PRKN: variants seen among roughly 807,000 people sequenced by gnomAD.
PRKN encodes parkin RBR E3 ubiquitin protein ligase, also known as E3 ubiquitin-protein ligase parkin.
A neutral mutation model predicts 59.5 loss-of-function variants in PRKN; 56 were observed. That is an observed-to-expected ratio of 0.94 (90% CI 0.76 to 1.18). The LOEUF is 1.18. PRKN is among the 50% of genes most tolerant of loss of function. The pLI is 0.00. For synonymous variants in PRKN, 250 were observed against 222.1 expected (o/e 1.13, Z -1.12); for missense variants, 657 against 596.4 (o/e 1.10, Z -1.06).
chr6:161,702,999 T>C (rs943379626), intron 7 of PRKN, among the ~76,000 whole-genome samples: 1 of 101,026 alleles, frequency 9.9e-6, no homozygotes, highest in African/African-American at 3.8e-5. Context: ...TTTAAATATA[T>C]AAACAATGAA....
In PRKN at chr6:162,401,224, T is replaced by C. The variant is rs138774943; in HGVS notation, c.171+42086A>G. ...GAAAAAAAGAATATTAAGAAAAAAA[T>C]AGAAATTGCTGAATCAGAAAATGGG... On this transcript the variant is annotated intron_variant, in intron 2 of 11. Coordinates refer to ENST00000366898, the MANE Select transcript of PRKN (RefSeq NM_004562.3). Among the ~76,000 whole-genome samples, 204 of 149,020 alleles carry C rather than the reference T, an allele frequency of 1.4e-3. 1 individual carries two copies. Among genetic ancestry groups the C allele is most frequent in the African/African-American group, 4.7e-3 (192 of 40,460 alleles).
chr6:161,567,803 C>A (rs540183587), intron 8 of PRKN, among the ~76,000 whole-genome samples: 60 of 152,204 alleles, frequency 3.9e-4, no homozygotes, highest in African/African-American at 1.4e-3. Context: ...GGAAACACTG[C>A]AAATATTGGT....
At chr6:161,679,741 CTTTTTTTTTTTTTT>C (rs745812196) in intron 7 of PRKN, among the ~76,000 whole-genome samples, 7 of 23,494 alleles carry the variant, frequency 3.0e-4, no homozygotes, top group South Asian at 2.0e-3. Flanking sequence ...TCAGAGCCAG[CTTTTTTTTTTTTTT>C]TTTTTTTTTT....
At chr6:161,934,119 T>A (rs1478219148) in intron 6 of PRKN, among the ~76,000 whole-genome samples, 1 of 152,204 alleles carries the variant, frequency 6.6e-6, no homozygotes, top group Admixed American at 6.5e-5. Flanking sequence ...CGCCATGAAG[T>A]TCTCATGATA....
intron 3 of PRKN, among the ~76,000 whole-genome samples, chr6:162,258,852 C>T (rs184228977): frequency 1.3e-5 from 2 of 152,196 alleles, no homozygotes; most frequent in Non-Finnish European, 2.9e-5. Flanking sequence ...TTAGTACCAA[C>T]AGTGTAACTG....
rs1376023473 is a variant in PRKN at position 161,579,839 on chromosome 6, T to C, written c.872-10423A>G. 6.6e-6 allele frequency among the ~76,000 whole-genome samples: 1 copy of C among 152,210 alleles called. No homozygotes were observed. Among genetic ancestry groups the C allele is most frequent in the Admixed American group, 6.5e-5 (1 of 15,286 alleles). ...GTATTTTAAATTCATTTCAGTACTTTCCCTTGTCACTTTAGTTCTGTGCAT... is the reference window on the plus strand; with the variant it reads ...GTATTTTAAATTCATTTCAGTACTTCCCCTTGTCACTTTAGTTCTGTGCAT... On this transcript the variant is annotated intron_variant, in intron 7 of 11. Transcript: ENST00000366898. The surrounding 1 kb of genome is among the most constrained non-coding windows in gnomAD (Gnocchi z 4.2).
At chr6:161,806,126 T>A (rs1457114167) in intron 6 of PRKN, among the ~76,000 whole-genome samples, 1 of 152,202 alleles carries the variant, frequency 6.6e-6, no homozygotes, top group Admixed American at 6.5e-5. Flanking sequence ...AATCAAGGCC[T>A]CTGATGATCA....
At chr6:162,369,014 T>A (rs1317912448) in intron 2 of PRKN, among the ~76,000 whole-genome samples, 1 of 152,174 alleles carries the variant, frequency 6.6e-6, no homozygotes, top group Non-Finnish European at 1.5e-5. Context: ...CATTACCCCA[T>A]CCATATTTTG....
At chr6:161,710,401 T>G (rs1786687932) in intron 7 of PRKN, among the ~76,000 whole-genome samples, 2 of 152,190 alleles carry the variant, frequency 1.3e-5, no homozygotes, top group Non-Finnish European at 1.5e-5. Context: ...TATTTTCAAT[T>G]TAGGATGGGT....
intron 4 of PRKN, among the ~76,000 whole-genome samples, chr6:162,154,360 GT>G (rs2128314572): frequency 6.6e-6 from 1 of 152,156 alleles, no homozygotes; most frequent in African/African-American, 2.4e-5. Context: ...TGAAAATTTG[GT>G]TTCATGTTAT....
chr6:162,099,069 C>A (rs1018855266), intron 4 of PRKN, among the ~76,000 whole-genome samples: 3 of 152,160 alleles, frequency 2.0e-5, no homozygotes, highest in African/African-American at 7.2e-5. Context: ...AGTACATATA[C>A]ATACTTGTTT....
At position 161,871,755 on chromosome 6, in the gene PRKN, G is replaced by A. The variant is rs1052975118; in HGVS notation, c.735-85847C>T. 4.6e-5 allele frequency among the ~76,000 whole-genome samples: 7 copies of A among 152,268 alleles called. No homozygotes were observed. The South Asian group carries it at 1.0e-3, about 23-fold the overall frequency. ...TTTTTCCCTTCCATGGATATGGATA[G>A]GAAATCAAACATGGGTTTTAAGCAT... On this transcript the variant is annotated intron_variant, in intron 6 of 11. Coordinates refer to ENST00000366898, the MANE Select transcript of PRKN (RefSeq NM_004562.3).
In PRKN at chr6:161,417,904, G is replaced by A. The variant is rs1414264554; in HGVS notation, c.1084-31027C>T. On this transcript the variant is annotated intron_variant, in intron 9 of 11. Transcript: ENST00000366898. This position sits in a 1 kb window ranked among gnomAD's most constrained non-coding sequence, Gnocchi z 5.4. ...CCTACTTTCCACTCCAAACCTAGAC[G>A]CAGACTCAGTGGCCCACCCAGGGGC... is the stretch of plus-strand genomic sequence containing the variant. Among the ~76,000 whole-genome samples, 4 of 152,168 alleles carry A rather than the reference G, an allele frequency of 2.6e-5. No homozygotes were observed. The highest frequency in any genetic ancestry group is 7.2e-5 in the African/African-American group (3 of 41,436).
In PRKN at chr6:161,361,046, C is replaced by T. The variant is rs1784958922; in HGVS notation, c.1168-841G>A. Among the ~76,000 whole-genome samples, 1 of 151,700 alleles carries T rather than the reference C, an allele frequency of 6.6e-6. No individual in the cohort carries two copies. The highest frequency in any genetic ancestry group is 2.1e-4 in the South Asian group (1 of 4,760). ...CACCGAGAGCTGGGTGCTGCCTGCA[C>T]CATCATGTATAAGGAGGTTTTCTGG... On this transcript the variant is annotated intron_variant, in intron 10 of 11. Coordinates refer to ENST00000366898, the MANE Select transcript of PRKN (RefSeq NM_004562.3). This position sits in a 1 kb window ranked among gnomAD's most constrained non-coding sequence, Gnocchi z 5.2.
chr6:161,348,794 T>C lies in PRKN; in HGVS notation c.*1305A>G, dbSNP rs991951798. On this transcript the variant is annotated 3_prime_UTR_variant, in exon 12 of 12. Transcript: ENST00000366898. This position sits in a 1 kb window ranked among gnomAD's most constrained non-coding sequence, Gnocchi z 4.9. Reference sequence around the variant, plus strand: ...CAGACAATACAGGTAGAACAAAAGATAGTGGTTGTACTTTCTCTTCTGCGT... The same window carrying C: ...CAGACAATACAGGTAGAACAAAAGACAGTGGTTGTACTTTCTCTTCTGCGT... 1.4e-5 allele frequency: 3 copies of C among 209,658 alleles called. No homozygotes were observed. Among genetic ancestry groups the C allele is most frequent in the Non-Finnish European group, 1.9e-5 (2 of 103,148 alleles). The allele number at this position is 209,658 out of a possible 1,614,324, so 13.0% of individuals were successfully genotyped here.
intron 1 of PRKN, among the ~76,000 whole-genome samples, chr6:162,525,448 C>T (rs1328548104): frequency 1.3e-5 from 2 of 152,190 alleles, no homozygotes; most frequent in East Asian, 3.9e-4. Flanking sequence ...CGCTCACTCC[C>T]TCAGAGAGGC....
rs1475175778 is a variant in PRKN at position 161,347,496 on chromosome 6, A to G, written c.*2603T>C. 1 of 151,894 alleles carries G rather than the reference A, an allele frequency of 6.6e-6. No homozygotes were observed. The highest frequency in any genetic ancestry group is 1.5e-5 in the Non-Finnish European group (1 of 68,032). The allele number at this position is 151,894 out of a possible 1,614,324, so 9.4% of individuals were successfully genotyped here. A position where few individuals can be genotyped will look rare whatever the true frequency, so the allele number is the denominator to read the frequency against. Reference sequence around the variant, plus strand: ...CTCAACACACTTCAGAGAAAAACAGACTTTTTCTGCAAAGACTTTATTTCT... The same window carrying G: ...CTCAACACACTTCAGAGAAAAACAGGCTTTTTCTGCAAAGACTTTATTTCT... On this transcript the variant is annotated 3_prime_UTR_variant, in exon 12 of 12. Coordinates refer to ENST00000366898, the MANE Select transcript of PRKN (RefSeq NM_004562.3).
chr6:161,676,769 T>G (rs1284683704), intron 7 of PRKN, among the ~76,000 whole-genome samples: 1 of 152,162 alleles, frequency 6.6e-6, no homozygotes, highest in African/African-American at 2.4e-5. Flanking sequence ...TCTGGTTTCA[T>G]GTAGGGTGCT....
At chr6:162,649,604 A>T (rs1388777193) in intron 1 of PRKN, among the ~76,000 whole-genome samples, 2 of 152,190 alleles carry the variant, frequency 1.3e-5, no homozygotes, top group Non-Finnish European at 2.9e-5. Context: ...GTTACACATT[A>T]TAAAAAGTAT....
Sources: allele counts gnomAD v4.1 joint callset (sites outside exome capture counted in the v4.1 genomes callset), GRCh38; gene constraint gnomAD v4.1.1; non-coding constraint Gnocchi (gnomAD v3.1); transcripts MANE v1.5; gene names NCBI Gene and HGNC (gene_info 2026-07-23, HGNC 2026-07-21).